FAM120C: variants seen among roughly 807,000 people sequenced by gnomAD.
FAM120C encodes family with sequence similarity 120 member C.
A neutral mutation model predicts 71.2 loss-of-function variants in FAM120C; 14 were observed. The ratio of observed to expected loss-of-function variants is 0.20; its 90% CI spans 0.13 to 0.31. FAM120C has a LOEUF of 0.31. FAM120C is among the 10% of genes least tolerant of loss of function. The pLI, the probability that FAM120C is intolerant of heterozygous loss-of-function variation, is 1.00. For synonymous variants in FAM120C, 354 were observed against 353.2 expected (o/e 1.00, Z -0.03); for missense variants, 500 against 879.0 (o/e 0.57, Z 5.45).
At position 54,163,601 on chromosome X, in the gene FAM120C, T is replaced by C. The variant is rs988177094; in HGVS notation, c.700-3985A>G. 4.5e-5 allele frequency among the ~76,000 whole-genome samples: 5 copies of C among 111,412 alleles called. No individual in the cohort carries two copies. In the East Asian group the frequency reaches 1.4e-3, roughly 31 times the overall value. On this transcript the variant is annotated intron_variant, in intron 1 of 15. Transcript: ENST00000375180. ...GGAATTAGTGGTGATAGCTGCACAATGCTATGAATATACTAAAGACCATTA... is the reference window on the plus strand; with the variant it reads ...GGAATTAGTGGTGATAGCTGCACAACGCTATGAATATACTAAAGACCATTA...
At chrX:54,100,209 G>A (rs1365198328) in intron 10 of FAM120C, among the ~76,000 whole-genome samples, 3 of 110,622 alleles carry the variant, frequency 2.7e-5, no homozygotes, top group Non-Finnish European at 3.8e-5. Context: ...AGCTGGCCAT[G>A]GGTTGGGCGC....
At chrX:54,139,329 TTTTATTTA>T (rs375711849) in intron 4 of FAM120C, among the ~76,000 whole-genome samples, 1,696 of 88,960 alleles carry the variant, frequency 0.019, 42 homozygotes, top group African/African-American at 0.066. Context: ...TTTTTTTTGC[TTTTATTTA>T]TTTATTTATT....
chrX:54,147,435 T>G (rs1485134676), intron 4 of FAM120C: 10 of 111,712 alleles, frequency 9.0e-5, no homozygotes, highest in African/African-American at 3.3e-4. Context: ...CTGCTACAGC[T>G]CTAATACCTG....
chrX:54,140,606 G>T (rs1424654317), intron 4 of FAM120C, among the ~76,000 whole-genome samples: 2 of 101,362 alleles, frequency 2.0e-5, no homozygotes, highest in African/African-American at 7.3e-5. Context: ...GGCAACAAGA[G>T]TAAAACTCCG....
Position 54,112,394 on chromosome X carries a change from G to A in FAM120C, c.2312+4151C>T, listed in dbSNP as rs782528279. 8.1e-3 allele frequency among the ~76,000 whole-genome samples: 884 copies of A among 109,453 alleles called. 3 individuals carry two copies. Among genetic ancestry groups the A allele is most frequent in the Non-Finnish European group, 0.013 (671 of 52,663 alleles). On this transcript the variant is annotated intron_variant, in intron 10 of 15. Transcript: ENST00000375180. ...ATCGCGCCACTGCACTCCAGCCTAG[G>A]CGACAGAGCAAGACCCCACTCAAAA...
rs1454701350 is a variant in FAM120C, at chrX:54,183,012, G to C, written c.187C>G (p.Leu63Val). Residue 63 changes from leucine (L) to valine (V), a missense_variant, in exon 1 of 16, where the codon CTG becomes GTG. Around this residue, in one of 11 missense-constraint regions of FAM120C, gnomAD observed 79 missense variants for 78.3 expected, o/e 1.01. Coordinates refer to ENST00000375180, the MANE Select transcript of FAM120C (RefSeq NM_017848.6). ...GCAGCGGGCGGAAGCGGCGGTTGCA[G>C]AGGCACGGAGCCCCTGGCGGCGCGT... Reference protein sequence around the residue: ...APRAARGSVPLQPPLPPAALG... With the variant: ...APRAARGSVPVQPPLPPAALG... The C allele has an allele frequency of 8.6e-7, 1 of 1,157,188 alleles. No individual in the cohort carries two copies. The highest frequency in any genetic ancestry group is 2.6e-4 in the Middle Eastern group (1 of 3,909).
chrX:54,104,980 C>T (rs1249010151), intron 10 of FAM120C, among the ~76,000 whole-genome samples: 1 of 111,320 alleles, frequency 9.0e-6, no homozygotes, highest in Admixed American at 9.6e-5. Flanking sequence ...ATCAGACGTA[C>T]AAAGAGGAGC....
chrX:54,129,496 T>C (rs1455206058), intron 9 of FAM120C, among the ~76,000 whole-genome samples: 3 of 101,550 alleles, frequency 3.0e-5, no homozygotes, highest in Non-Finnish European at 6.0e-5. Flanking sequence ...ACTTCCTAGA[T>C]CGGATGGAGG....
chrX:54,160,680 T>C (rs1557134332), intron 1 of FAM120C, among the ~76,000 whole-genome samples: 1 of 111,656 alleles, frequency 9.0e-6, no homozygotes, highest in African/African-American at 3.3e-5. Context: ...TAAGACCTGG[T>C]ACGTAATAGT....
At chrX:54,108,963 T>C (rs1569532091) in intron 10 of FAM120C, among the ~76,000 whole-genome samples, 1 of 66,862 alleles carries the variant, frequency 1.5e-5, no homozygotes, top group African/African-American at 5.7e-5. Context: ...CAAGGGACCC[T>C]GCTGTGGTTG....
chrX:54,134,153 G>A (rs781985282), intron 7 of FAM120C, 107 bp from the exon 8 acceptor site: 30 of 781,195 alleles, frequency 3.8e-5, no homozygotes, highest in Non-Finnish European at 5.4e-5. Context: ...ACCCTTTGGA[G>A]GGCAGGACAC....
At chrX:54,099,699 T>C (rs946356936) in intron 10 of FAM120C, among the ~76,000 whole-genome samples, 6 of 112,424 alleles carry the variant, frequency 5.3e-5, no homozygotes, top group African/African-American at 1.6e-4. Flanking sequence ...TGCATGTTAA[T>C]ATCCAACCAT....
At position 54,111,059 on chromosome X, in the gene FAM120C, C is replaced by CA. The variant is rs375951632; in HGVS notation, c.2312+5485dup. Among the ~76,000 whole-genome samples the CA allele has an allele frequency of 3.0e-3, 231 of 75,978 alleles. 3 individuals are homozygous for CA. The highest frequency in any genetic ancestry group is 4.1e-3 in the Non-Finnish European group (161 of 38,878). 66.0% of individuals were successfully genotyped at this position (75,978 alleles called of 115,157 possible). A position where few individuals can be genotyped will look rare whatever the true frequency, so the allele number is the denominator to read the frequency against. On this transcript the variant is annotated intron_variant, in intron 10 of 15. Transcript: ENST00000375180. The stretch of plus-strand genomic sequence containing the variant: ...TGGGTGACAGAGCGAGACTCTGTCT[C>CA]AAAAAAAAAAAAATTAGCTGGGCAT...
chrX:54,097,933 A>G (rs943199439), intron 10 of FAM120C, among the ~76,000 whole-genome samples: 4 of 109,903 alleles, frequency 3.6e-5, no homozygotes, highest in Non-Finnish European at 5.7e-5. Flanking sequence ...TGACCGTGTT[A>G]GCCAGGATGG....
chrX:54,103,240 C>A (rs2066890681), intron 10 of FAM120C, among the ~76,000 whole-genome samples: 1 of 110,426 alleles, frequency 9.1e-6, no homozygotes, highest in Admixed American at 9.7e-5. Flanking sequence ...ATTTTTTTAA[C>A]AGTGTTTTGT....
rs188211231 is a variant in FAM120C at position 54,144,969 on chromosome X, T to C, written c.1158+6276A>G. Among the ~76,000 whole-genome samples, 47 of 111,363 alleles carry C rather than the reference T, an allele frequency of 4.2e-4. No individual in the cohort carries two copies. In the East Asian group the frequency reaches 0.012, roughly 29 times the overall value. Reference sequence around the variant, plus strand: ...CATGGTACTGGTACCAAAACAACGATATAGACCAATGGAACAGAACAGAGC... The same window carrying C: ...CATGGTACTGGTACCAAAACAACGACATAGACCAATGGAACAGAACAGAGC... On this transcript the variant is annotated intron_variant, in intron 4 of 15. Transcript: ENST00000375180.
At chrX:54,171,230 AAAAC>A (rs781939247) in intron 1 of FAM120C, among the ~76,000 whole-genome samples, 3 of 111,468 alleles carry the variant, frequency 2.7e-5, no homozygotes, top group Non-Finnish European at 3.8e-5. Context: ...CCCTGTCTCT[AAAAC>A]AAACAAACAA....
At chrX:54,131,479 C>A (rs1312182749) in intron 9 of FAM120C, among the ~76,000 whole-genome samples, 6 of 106,862 alleles carry the variant, frequency 5.6e-5, no homozygotes, top group African/African-American at 2.1e-4. Context: ...GCTCTTGTTG[C>A]CGAGGCTGGA....
chrX:54,117,909 A>T (rs1353806683), intron 9 of FAM120C, among the ~76,000 whole-genome samples: 3 of 111,501 alleles, frequency 2.7e-5, no homozygotes, highest in Non-Finnish European at 5.6e-5. Flanking sequence ...AAAATTCTCA[A>T]AAAAATCAAC....
Sources: allele counts gnomAD v4.1 joint callset (sites outside exome capture counted in the v4.1 genomes callset), GRCh38; gene constraint gnomAD v4.1.1; regional missense constraint gnomAD v4.1.1; transcripts MANE v1.5; gene names NCBI Gene and HGNC (gene_info 2026-07-23, HGNC 2026-07-21).